The following SNRNP70 variants were observed in gnomAD, a reference collection of about 807,000 sequenced individuals.
SNRNP70 encodes small nuclear ribonucleoprotein U1 subunit 70.
Under a neutral mutation model 50.5 loss-of-function variants are expected in SNRNP70, and 8 were observed. That is an observed-to-expected ratio of 0.16 (90% CI 0.09 to 0.29). The LOEUF (loss-of-function observed/expected upper bound fraction) is 0.29, where lower values mean the gene tolerates loss of function less well. Ranked by LOEUF, SNRNP70 falls within the 10% of genes least tolerant of loss-of-function variation. The pLI is 1.00. For missense variants in SNRNP70, 529 were observed against 663.5 expected (o/e 0.80, Z 2.23); for synonymous variants, 320 against 252.9 (o/e 1.27, Z -2.52).
chr19:49,097,056 G>A (rs1031085973), intron 4 of SNRNP70, among the ~76,000 whole-genome samples: 2 of 151,974 alleles, frequency 1.3e-5, no homozygotes, highest in Admixed American at 6.6e-5. Context: ...CTTGAACCTC[G>A]GAGGCAGAGG....
At chr19:49,088,304 GCC>G (rs1237643326) in intron 2 of SNRNP70, among the ~76,000 whole-genome samples, 2 of 133,382 alleles carry the variant, frequency 1.5e-5, no homozygotes, top group African/African-American at 2.9e-5. Context: ...CCGGGTTCAT[GCC>G]ATTCTCCTGC....
At chr19:49,087,177 C>CAAAAAAAAAAAAAA (rs11398967) in intron 2 of SNRNP70, among the ~76,000 whole-genome samples, 1 of 100,638 alleles carries the variant, frequency 9.9e-6, no homozygotes, top group African/African-American at 4.0e-5. Flanking sequence ...AAGACTGTCT[C>CAAAAAAAAAAAAAA]AAAAAAAAAA....
At chr19:49,095,053 G>GC (rs1568419468) in intron 4 of SNRNP70, among the ~76,000 whole-genome samples, 1 of 152,272 alleles carries the variant, frequency 6.6e-6, no homozygotes, top group African/African-American at 2.4e-5. Context: ...GTGGGGCGCT[G>GC]CCCGGCATTG....
chr19:49,093,954 C>T (rs905134726), intron 4 of SNRNP70, among the ~76,000 whole-genome samples: 1 of 151,914 alleles, frequency 6.6e-6, no homozygotes, highest in Non-Finnish European at 1.5e-5. Context: ...ACCCGGGAGG[C>T]GGAGTTTGCA....
chr19:49,096,008 G>A (rs541133752), intron 4 of SNRNP70, among the ~76,000 whole-genome samples: 6 of 145,882 alleles, frequency 4.1e-5, no homozygotes, highest in Admixed American at 1.4e-4. Context: ...AGTGCAGATT[G>A]AGAGACCTGG....
chr19:49,103,933 C>G (rs1479251734), intron 7 of SNRNP70: 3 of 152,254 alleles, frequency 2.0e-5, no homozygotes, highest in African/African-American at 7.3e-5. Flanking sequence ...AGTCAGTCGT[C>G]TCAGGTAAGG....
intron 7 of SNRNP70, chr19:49,102,656 C>T (rs2040604585): frequency 6.2e-6 from 1 of 160,048 alleles, no homozygotes; most frequent in Non-Finnish European, 1.4e-5. Context: ...GTGGTTGAGG[C>T]CTCCCGAGGG....
Position 49,104,644 on chromosome 19 carries a change from A to G in SNRNP70, c.486A>G (p.Lys162=). ...EHERDMHSAY[K]HADGKKIDGR... is the part of the protein sequence containing the mutation. The stretch of plus-strand genomic sequence containing the variant: ...CCACATCTGTTACAGCCGCTTACAA[A>G]CACGCAGATGGCAAGAAGATTGATG... Residue 162 remains lysine (K), a synonymous_variant, in exon 8 of 10, where the codon AAA becomes AAG. Transcript: ENST00000598441. This position sits in a 1 kb window ranked among gnomAD's most constrained non-coding sequence, Gnocchi z 5.4. 6.4e-7 allele frequency: 1 copy of G among 1,555,876 alleles called. No individual in the cohort carries two copies. Among genetic ancestry groups the G allele is most frequent in the Non-Finnish European group, 8.7e-7 (1 of 1,149,238 alleles).
In SNRNP70 at chr19:49,104,352, G is replaced by A. The variant is rs1467083278; in HGVS notation, c.476-282G>A. On this transcript the variant is annotated intron_variant, in intron 7 of 9. Transcript: ENST00000598441. The surrounding 1 kb of genome is among the most constrained non-coding windows in gnomAD (Gnocchi z 5.4). ...GAGGGGGCTGTTCCATCATGTGGGA[G>A]AGGAAGGGCCGGGGAGCCTAGGGGG... is the stretch of plus-strand genomic sequence containing the variant. 3 of 400,528 alleles carry A rather than the reference G, an allele frequency of 7.5e-6. No homozygotes were observed. Among genetic ancestry groups the A allele is most frequent in the South Asian group, 3.4e-5 (1 of 29,702 alleles). The allele number at this position is 400,528 out of a possible 1,614,324, so 24.8% of individuals were successfully genotyped here.
At chr19:49,092,610 T>C (rs1294634903) in intron 4 of SNRNP70, among the ~76,000 whole-genome samples, 1 of 151,514 alleles carries the variant, frequency 6.6e-6, no homozygotes, top group Non-Finnish European at 1.5e-5. Context: ...GGTTTCACCA[T>C]GTTGGCCAGG....
intron 7 of SNRNP70, chr19:49,103,422 CGTG>C (rs2040617756): frequency 6.6e-6 from 1 of 152,602 alleles, no homozygotes; most frequent in Non-Finnish European, 1.5e-5. Context: ...TAGCTGACCC[CGTG>C]GTGGTGGGTG....
In SNRNP70 at chr19:49,090,244, A is replaced by G. The variant is rs146646578; in HGVS notation, c.148-47A>G. The G allele has an allele frequency of 2.2e-3, 3,376 of 1,556,476 alleles. 8 individuals carry two copies. The highest frequency in any genetic ancestry group is 5.7e-3 in the Middle Eastern group (27 of 4,730). On this transcript the variant is annotated intron_variant, in intron 2 of 9. Coordinates refer to ENST00000598441, the MANE Select transcript of SNRNP70 (RefSeq NM_003089.6). Reference sequence around the variant, plus strand: ...ATTTCCTTGGTGAGTGTCCCTTGCCATTTCCCCCAGTCCTTCCCACCCTGT... The same window carrying G: ...ATTTCCTTGGTGAGTGTCCCTTGCCGTTTCCCCCAGTCCTTCCCACCCTGT...
At position 49,107,920 on chromosome 19, in the gene SNRNP70, G is replaced by A; in HGVS notation, c.791G>A (p.Arg264Lys). ...RRRSRSRDRR[R>K]RSRSRDKEER... ...CGCTCCCGCTCCCGGGACCGGCGGA[G>A]GCGCTCACGGAGTCGCGACAAGGAG... Residue 264 changes from arginine to lysine, a missense_variant, in exon 10 of 10, where the codon AGG becomes AAG. Around this residue, in one of 4 missense-constraint regions of SNRNP70, gnomAD observed 327 missense variants for 308.8 expected, o/e 1.06. Coordinates refer to ENST00000598441, the MANE Select transcript of SNRNP70 (RefSeq NM_003089.6). The surrounding 1 kb of genome is among the most constrained non-coding windows in gnomAD (Gnocchi z 6.0). 1 of 1,547,840 alleles carries A rather than the reference G, an allele frequency of 6.5e-7. No individual in the cohort carries two copies. The highest frequency in any genetic ancestry group is 8.7e-7 in the Non-Finnish European group (1 of 1,146,440).
At chr19:49,103,518 C>T (rs1190376353) in intron 7 of SNRNP70, 2 of 152,670 alleles carry the variant, frequency 1.3e-5, no homozygotes. Context: ...CCCGCCTCCT[C>T]GCCAGGCCCC....
In SNRNP70 at chr19:49,107,516, T is replaced by G. The variant is rs2040688037; in HGVS notation, c.578-109T>G. On this transcript the variant is annotated intron_variant, in intron 8 of 9. Transcript: ENST00000598441. The surrounding 1 kb of genome is among the most constrained non-coding windows in gnomAD (Gnocchi z 6.0). ...CGGGGGGACCCGGCCCTGTGAACAC[T>G]AAGCCAGGGGCTGCCTTCCTGCCCT... 1.4e-5 allele frequency: 15 copies of G among 1,048,046 alleles called. No individual in the cohort carries two copies. Among genetic ancestry groups the G allele is most frequent in the Non-Finnish European group, 2.2e-5 (15 of 685,298 alleles). The allele number at this position is 1,048,046 out of a possible 1,614,324, so 64.9% of individuals were successfully genotyped here.
At position 49,107,595 on chromosome 19, in the gene SNRNP70, T is replaced by G; in HGVS notation, c.578-30T>G. 1.2e-6 allele frequency: 2 copies of G among 1,607,780 alleles called. No homozygotes were observed. Among genetic ancestry groups the G allele is most frequent in the Non-Finnish European group, 1.7e-6 (2 of 1,174,388 alleles). On this transcript the variant is annotated intron_variant, in intron 8 of 9. Coordinates refer to ENST00000598441, the MANE Select transcript of SNRNP70 (RefSeq NM_003089.6). This position sits in a 1 kb window ranked among gnomAD's most constrained non-coding sequence, Gnocchi z 6.0. Reference sequence around the variant, plus strand: ...CCTCCGGGCCCTGTCCCTGCCCAGATTCACCCTCTGTCCGTCTGCCCTGCC... The same window carrying G: ...CCTCCGGGCCCTGTCCCTGCCCAGAGTCACCCTCTGTCCGTCTGCCCTGCC...
At chr19:49,087,660 C>T (rs1424989197) in intron 2 of SNRNP70, 1 of 152,158 alleles carries the variant, frequency 6.6e-6, no homozygotes, top group Non-Finnish European at 1.5e-5. Flanking sequence ...CATCAGAGCA[C>T]ACCTGAGAAA....
In SNRNP70 at chr19:49,101,410, G is replaced by C. The variant is rs1260879161; in HGVS notation, c.414G>C (p.Lys138Asn). ...CACAGATACACATGGTCTACAGTAA[G>C]CGGTCAGGAAAGCCCCGTGGCTATG... The part of the protein sequence containing the change: ...PIKRIHMVYS[K>N]RSGKPRGYAF... The change falls in exon 7 of 10, where the codon AAG becomes AAC. Residue 138 changes from lysine to asparagine, a missense_variant. Physicochemically the swap from Lys to Asn is moderately conservative, Grantham distance 94. Transcript: ENST00000598441. 6.2e-7 allele frequency: 1 copy of C among 1,614,004 alleles called. No homozygotes were observed. Among genetic ancestry groups the C allele is most frequent in the Non-Finnish European group, 8.5e-7 (1 of 1,179,906 alleles).
At chr19:49,101,332 T>G in intron 6 of SNRNP70, 58 bp from the exon 7 acceptor site, 2 of 1,314,986 alleles carry the variant, frequency 1.5e-6, no homozygotes, top group Non-Finnish European at 2.2e-6. Context: ...TGTTGTGGGG[T>G]TGGTGGGGCG....
Sources: allele counts gnomAD v4.1 joint callset (sites outside exome capture counted in the v4.1 genomes callset), GRCh38; gene constraint gnomAD v4.1.1; regional missense constraint gnomAD v4.1.1; non-coding constraint Gnocchi (gnomAD v3.1); transcripts MANE v1.5; gene names NCBI Gene and HGNC (gene_info 2026-07-23, HGNC 2026-07-21).